SLITRK4: variants seen among roughly 807,000 people sequenced by gnomAD.
The protein encoded by SLITRK4 is SLIT and NTRK like family member 4, also known as SLIT and NTRK-like protein 4.
SLITRK4 carries 7 observed loss-of-function variants against 34.7 expected under a neutral mutation model. That is an observed-to-expected ratio of 0.20 (90% CI 0.11 to 0.38). The LOEUF (loss-of-function observed/expected upper bound fraction) is 0.38, where lower values mean the gene tolerates loss of function less well. SLITRK4 is among the 10% of genes least tolerant of loss of function. SLITRK4 has a pLI of 1.00. For missense variants in SLITRK4, 474 were observed against 607.0 expected (o/e 0.78, Z 2.30); for synonymous variants, 237 against 246.2 (o/e 0.96, Z 0.35).
At position 143,627,967 on chromosome X, in the gene SLITRK4, G is replaced by A. The variant is rs782717574; in HGVS notation, c.*628C>T. 4.0e-6 allele frequency: 1 copy of A among 248,231 alleles called. No individual in the cohort carries two copies. The highest frequency in any genetic ancestry group is 2.9e-5 in the African/African-American group (1 of 35,001). 20.5% of individuals were successfully genotyped at this position (248,231 alleles called of 1,213,427 possible). ...GTGTTCAAATTTATTTTATAGTTAT[G>A]TAATGTATGTTATATTTTAAACAAG... On this transcript the variant is annotated 3_prime_UTR_variant, in exon 2 of 2. Transcript: ENST00000356928.
At position 143,623,455 on chromosome X, in the gene SLITRK4, A is replaced by C. The variant is rs1930691232; in HGVS notation, c.*5140T>G. On this transcript the variant is annotated 3_prime_UTR_variant, in exon 2 of 2. Transcript: ENST00000356928. The stretch of plus-strand genomic sequence containing the variant: ...ACAACAGGTTAAAATAATTTTTAAA[A>C]ATTAAAAAAAACCATCATTTCCTAT... The C allele has an allele frequency of 9.1e-6, 1 of 109,860 alleles. No homozygotes were observed. Among genetic ancestry groups the C allele is most frequent in the African/African-American group, 3.3e-5 (1 of 30,458 alleles). 9.1% of individuals were successfully genotyped at this position (109,860 alleles called of 1,213,427 possible).
intron 1 of SLITRK4, chrX:143,634,483 G>C (rs1287199641): frequency 2.7e-5 from 3 of 109,790 alleles, no homozygotes; most frequent in African/African-American, 1.0e-4. Context: ...CCCGACAGCC[G>C]GAGCCACCCG....
At position 143,628,130 on chromosome X, in the gene SLITRK4, T is replaced by TTTTTTTTTTTTTTTTTTTTG; in HGVS notation, c.*464_*465insCAAAAAAAAAAAAAAAAAAA. On this transcript the variant is annotated 3_prime_UTR_variant, in exon 2 of 2. Coordinates refer to ENST00000356928, the MANE Select transcript of SLITRK4 (RefSeq NM_001184749.3). The stretch of plus-strand genomic sequence containing the variant: ...TTTTTTTTTTTTTTTTTTTTTTTAC[T>TTTTTTTTTTTTTTTTTTTTG]TTTCAGATAATCTTTACACGGAGTT... 2 of 193,023 alleles carry TTTTTTTTTTTTTTTTTTTTG rather than the reference T, an allele frequency of 1.0e-5. No individual in the cohort carries two copies. Among genetic ancestry groups the TTTTTTTTTTTTTTTTTTTTG allele is most frequent in the Non-Finnish European group, 8.8e-6 (1 of 113,518 alleles). The allele number at this position is 193,023 out of a possible 1,213,427, so 15.9% of individuals were successfully genotyped here.
rs782497461 is a variant in SLITRK4 at position 143,628,091 on chromosome X, CTTTTTTTTTTTTTTTTTTTTTT to C, written c.*482_*503del. 1.4e-4 allele frequency: 10 copies of C among 73,095 alleles called. No individual in the cohort carries two copies. Among genetic ancestry groups the C allele is most frequent in the African/African-American group, 6.5e-4 (3 of 4,612 alleles). The allele number at this position is 73,095 out of a possible 1,213,427, so 6.0% of individuals were successfully genotyped here. ...CTATCGAGTGTTCTCTCTTTGCATGCTTTTTTTTTTTTTTTTTTTTTTTTTTTTTTTTTTTTACTTTTCAGAT... is the reference window on the plus strand; with the variant it reads ...CTATCGAGTGTTCTCTCTTTGCATGCTTTTTTTTTTTTTTACTTTTCAGAT... On this transcript the variant is annotated 3_prime_UTR_variant, in exon 2 of 2. Coordinates refer to ENST00000356928, the MANE Select transcript of SLITRK4 (RefSeq NM_001184749.3).
chrX:143,632,556 G>A (rs1931074792), intron 1 of SLITRK4, among the ~76,000 whole-genome samples: 1 of 111,796 alleles, frequency 8.9e-6, no homozygotes. Context: ...ACACAACAAG[G>A]AAATGATGCA....
rs782747674 is a variant in SLITRK4 at position 143,629,348 on chromosome X, C to T, written c.1761G>A (p.Pro587=). The change falls in exon 2 of 2, where the codon CCG becomes CCA. Residue 587 remains proline, a synonymous_variant. Coordinates refer to ENST00000356928, the MANE Select transcript of SLITRK4 (RefSeq NM_001184749.3). The part of the protein sequence containing the change: ...EILCPKLLNK[P]SAPFTSPAPA... Reference sequence around the variant, plus strand: ...GTGCAGGGCTTGTGAATGGTGCAGACGGCTTATTTAAAAGTTTGGGACATA... The same window carrying T: ...GTGCAGGGCTTGTGAATGGTGCAGATGGCTTATTTAAAAGTTTGGGACATA... The T allele has an allele frequency of 1.3e-4, 159 of 1,209,651 alleles. No individual in the cohort carries two copies. The highest frequency in any genetic ancestry group is 1.5e-4 in the Non-Finnish European group (136 of 895,191).
rs41300938 is a variant in SLITRK4, at chrX:143,629,396, C to T, written c.1713G>A (p.Leu571=). The change falls in exon 2 of 2, where the codon CTG becomes CTA. Residue 571 remains leucine, a synonymous_variant. Transcript: ENST00000356928. ...ETPVQFANIE[L]KSLKNEILCP... The stretch of plus-strand genomic sequence containing the variant: ...ATAAGATTTCATTTTTGAGGGACTT[C>T]AGTTCAATGTTGGCAAACTGAACAG... 8.3e-7 allele frequency: 1 copy of T among 1,209,830 alleles called. No homozygotes were observed. The highest frequency in any genetic ancestry group is 1.1e-6 in the Non-Finnish European group (1 of 895,261).
At position 143,630,579 on chromosome X, in the gene SLITRK4, A is replaced by C; in HGVS notation, c.530T>G (p.Phe177Cys). The C allele has an allele frequency of 8.3e-7, 1 of 1,211,475 alleles. No individual in the cohort carries two copies. The change falls in exon 2 of 2, where the codon TTC becomes TGC. Residue 177 changes from phenylalanine (F) to cysteine (C), a missense_variant. Around this residue, in one of 3 missense-constraint regions of SLITRK4, gnomAD observed 45 missense variants for 99.2 expected, o/e 0.45. Coordinates refer to ENST00000356928, the MANE Select transcript of SLITRK4 (RefSeq NM_001184749.3). The stretch of plus-strand genomic sequence containing the variant: ...TATATCCAGATGGGTCAAAGATGCG[A>C]ATCGGAAAATATTATCAGGAAGGAA... ...ISFLPDNIFR[F>C]ASLTHLDIRG...
rs1436041699 is a variant in SLITRK4, at chrX:143,626,690, A to T, written c.*1905T>A. The stretch of plus-strand genomic sequence containing the variant: ...GAAGCTGCAACAGAAAAAATATGCC[A>T]CTTGCAATCATGAGGAATGGCTATG... On this transcript the variant is annotated 3_prime_UTR_variant, in exon 2 of 2. Coordinates refer to ENST00000356928, the MANE Select transcript of SLITRK4 (RefSeq NM_001184749.3). The T allele has an allele frequency of 9.2e-6, 1 of 108,666 alleles. No individual in the cohort carries two copies. The highest frequency in any genetic ancestry group is 3.9e-4 in the South Asian group (1 of 2,591). The allele number at this position is 108,666 out of a possible 1,213,427, so 9.0% of individuals were successfully genotyped here.
At position 143,628,393 on chromosome X, in the gene SLITRK4, C is replaced by G; in HGVS notation, c.*202G>C. The G allele has an allele frequency of 2.5e-6, 1 of 398,775 alleles. No individual in the cohort carries two copies. Among genetic ancestry groups the G allele is most frequent in the African/African-American group, 2.6e-5 (1 of 38,954 alleles). 32.9% of individuals were successfully genotyped at this position (398,775 alleles called of 1,213,427 possible). ...AGTTTGCAGTATCCCCACAGGACTC[C>G]ACAGTATAGGTTTTATGTAGTAAAA... On this transcript the variant is annotated 3_prime_UTR_variant, in exon 2 of 2. Transcript: ENST00000356928.
At chrX:143,634,688 A>G (rs1931172758) in intron 1 of SLITRK4, among the ~76,000 whole-genome samples, 2 of 110,336 alleles carry the variant, frequency 1.8e-5, no homozygotes, top group Non-Finnish European at 3.8e-5. Context: ...CCCCAAACCA[A>G]CAGGACCCAA....
In SLITRK4 at chrX:143,629,533, T is replaced by A. The variant is rs199508001; in HGVS notation, c.1576A>T (p.Ile526Phe). The change falls in exon 2 of 2, where the codon ATT (isoleucine) becomes TTT (phenylalanine). Residue 526 changes from isoleucine to phenylalanine, a missense_variant. Physicochemically the swap from Ile to Phe is conservative, Grantham distance 21. This residue lies in a region of SLITRK4 where 345 missense variants were observed against 406.5 expected (regional missense o/e 0.85). Transcript: ENST00000356928. ...TCCCATGGGTTGCCCTCCAAGTCAATCTGTGTAAGAGATTGCAACTGATCA... is the reference window on the plus strand; with the variant it reads ...TCCCATGGGTTGCCCTCCAAGTCAAACTGTGTAAGAGATTGCAACTGATCA... ...VLDQLQSLTQIDLEGNPWDCT... is the reference protein window; with the variant it reads ...VLDQLQSLTQFDLEGNPWDCT... The A allele has an allele frequency of 8.3e-7, 1 of 1,209,167 alleles. No homozygotes were observed. The highest frequency in any genetic ancestry group is 1.1e-6 in the Non-Finnish European group (1 of 895,086).
At chrX:143,633,803 G>A (rs1556429932) in intron 1 of SLITRK4, among the ~76,000 whole-genome samples, 1 of 111,808 alleles carries the variant, frequency 8.9e-6, no homozygotes, top group Admixed American at 9.3e-5. Context: ...ACCTCGGGCG[G>A]GCGGCGAGGA....
rs782798707 is a variant in SLITRK4, at chrX:143,630,667, G to C, written c.442C>G (p.Arg148Gly). ...ADYNLIKYIE[R>G]GAFNKLHKLK... ...TTGTGGAGCTTATTGAAGGCTCCTC[G>C]TTCAATATACTTGATTAAATTGTAG... is the stretch of plus-strand genomic sequence containing the variant. The change falls in exon 2 of 2, where the codon CGA (arginine) becomes GGA (glycine). Residue 148 changes from arginine (R) to glycine (G), a missense_variant. By Grantham distance (125) the Arg-to-Gly change is moderately radical. This residue lies in a region of SLITRK4 where 84 missense variants were observed against 101.3 expected (regional missense o/e 0.83). Coordinates refer to ENST00000356928, the MANE Select transcript of SLITRK4 (RefSeq NM_001184749.3). 6 of 1,210,857 alleles carry C rather than the reference G, an allele frequency of 5.0e-6. No homozygotes were observed. The East Asian group carries it at 1.8e-4, about 36-fold the overall frequency.
rs1930806088 is a variant in SLITRK4, at chrX:143,626,849, C to T, written c.*1746G>A. The T allele has an allele frequency of 1.9e-5, 2 of 106,522 alleles. No individual in the cohort carries two copies. The highest frequency in any genetic ancestry group is 6.8e-5 in the African/African-American group (2 of 29,412). The allele number at this position is 106,522 out of a possible 1,213,427, so 8.8% of individuals were successfully genotyped here. On this transcript the variant is annotated 3_prime_UTR_variant, in exon 2 of 2. Coordinates refer to ENST00000356928, the MANE Select transcript of SLITRK4 (RefSeq NM_001184749.3). Reference sequence around the variant, plus strand: ...ATACATATATGTATATATATACACACACATATATATACACACGCATATATA... The same window carrying T: ...ATACATATATGTATATATATACACATACATATATATACACACGCATATATA...
chrX:143,629,235 A>G lies in SLITRK4; in HGVS notation c.1874T>C (p.Leu625Ser). The G allele has an allele frequency of 8.3e-7, 1 of 1,211,849 alleles. No individual in the cohort carries two copies. Among genetic ancestry groups the G allele is most frequent in the Non-Finnish European group, 1.1e-6 (1 of 895,573 alleles). ...VPLSILILSI[L>S]VVLILTVFVA... Reference sequence around the variant, plus strand: ...AAACACCGTTAAAATGAGGACCACTAAGATACTTAAGATTAAAATAGACAG... The same window carrying G: ...AAACACCGTTAAAATGAGGACCACTGAGATACTTAAGATTAAAATAGACAG... The change falls in exon 2 of 2, where the codon TTA (leucine) becomes TCA (serine). Residue 625 changes from leucine to serine, a missense_variant. Transcript: ENST00000356928.
chrX:143,635,371 G>T (rs1352599535), intron 1 of SLITRK4, among the ~76,000 whole-genome samples: 8 of 103,660 alleles, frequency 7.7e-5, no homozygotes, highest in African/African-American at 2.8e-4. Flanking sequence ...CCTTTCCTCA[G>T]GCGTGGAGAC....
At position 143,630,195 on chromosome X, in the gene SLITRK4, T is replaced by G. The variant is rs781807693; in HGVS notation, c.914A>C (p.Lys305Thr). The G allele has an allele frequency of 2.5e-6, 3 of 1,211,457 alleles. No homozygotes were observed. In the Admixed American group the frequency reaches 6.5e-5, roughly 26 times the overall value. ...AGAGATCTTGGAAGGATTTGTTGTT[T>G]TTGGTGGTTTAGTTACTAATCTGTG... The part of the protein sequence containing the change: ...SLHRLVTKPP[K>T]TTNPSKISGI... Residue 305 changes from lysine (K) to threonine (T), a missense_variant, in exon 2 of 2, where the codon AAA (lysine) becomes ACA (threonine). Lys to Thr is a moderately conservative substitution (Grantham distance 78). This residue lies in a region of SLITRK4 where 345 missense variants were observed against 406.5 expected (regional missense o/e 0.85). Transcript: ENST00000356928.
Position 143,628,651 on chromosome X carries a change from T to C in SLITRK4, c.2458A>G (p.Ser820Gly). The C allele has an allele frequency of 8.3e-7, 1 of 1,209,563 alleles. No individual in the cohort carries two copies. Among genetic ancestry groups the C allele is most frequent in the Admixed American group, 2.2e-5 (1 of 45,801 alleles). Residue 820 changes from serine (S) to glycine (G), a missense_variant, in exon 2 of 2, where the codon AGT (serine) becomes GGT (glycine). Around this residue, in one of 3 missense-constraint regions of SLITRK4, gnomAD observed 345 missense variants for 406.5 expected, o/e 0.85. Coordinates refer to ENST00000356928, the MANE Select transcript of SLITRK4 (RefSeq NM_001184749.3). ...EYFELKAKLQ[S>G]SPDYLQVLEE... ...AGGACCTGTAGGTAGTCAGGGGAACTCTGCAGTTTCGCCTTCAGTTCAAAA... is the reference window on the plus strand; with the variant it reads ...AGGACCTGTAGGTAGTCAGGGGAACCCTGCAGTTTCGCCTTCAGTTCAAAA...
Sources: allele counts gnomAD v4.1 joint callset (sites outside exome capture counted in the v4.1 genomes callset), GRCh38; gene constraint gnomAD v4.1.1; regional missense constraint gnomAD v4.1.1; transcripts MANE v1.5; gene names NCBI Gene and HGNC (gene_info 2026-07-23, HGNC 2026-07-21).